The following RNF141 variants were observed in gnomAD, a reference collection of about 807,000 sequenced individuals.
RNF141 encodes the protein C3HC4-like zinc finger protein.
RNF141 carries 18 observed loss-of-function variants against 27.4 expected under a neutral mutation model. The observed-to-expected ratio is 0.66, with a 90% confidence interval of 0.45 to 0.97. The LOEUF (loss-of-function observed/expected upper bound fraction) is 0.97. RNF141 is among the 50% of genes least tolerant of loss of function. The pLI is 0.00. For missense variants in RNF141, 230 were observed against 279.4 expected, an observed-to-expected ratio of 0.82 and a Z score of 1.26; for synonymous variants, 97 against 96.6, an observed-to-expected ratio of 1.00 and a Z score of -0.02.
intron 5 of RNF141, 133 bp downstream of exon 5, chr11:10,518,901 C>A: frequency 1.7e-6 from 1 of 575,854 alleles, no homozygotes. Context: ...GAAGGCATGC[C>A]ATAAAATTCA....
chr11:10,515,118 G>T, intron 5 of RNF141, 52 bp from the exon 6 acceptor site: 1 of 1,551,274 alleles, frequency 6.4e-7, no homozygotes, highest in Non-Finnish European at 8.7e-7. Context: ...TTTAAAAACA[G>T]GATTTTATTT....
At chr11:10,527,514 G>A (rs1395593799) in intron 3 of RNF141, among the ~76,000 whole-genome samples, 1 of 149,152 alleles carries the variant, frequency 6.7e-6, no homozygotes, top group Non-Finnish European at 1.5e-5. Context: ...GAAGCCCAGA[G>A]TGTTTGGAAC....
At chr11:10,532,406 A>C (rs568619861) in intron 2 of RNF141, among the ~76,000 whole-genome samples, 1 of 152,052 alleles carries the variant, frequency 6.6e-6, no homozygotes, top group South Asian at 2.1e-4. Flanking sequence ...ATAAATACAC[A>C]CAGTAAAATG....
chr11:10,534,703 AT>A (rs1850018862), intron 1 of RNF141, among the ~76,000 whole-genome samples: 1 of 152,110 alleles, frequency 6.6e-6, no homozygotes, highest in Non-Finnish European at 1.5e-5. Context: ...GAGCTAGGTG[AT>A]TTATCTAAAG....
intron 5 of RNF141, chr11:10,517,836 C>CATGT (rs1414595076): frequency 1.3e-5 from 2 of 152,136 alleles, no homozygotes; most frequent in African/African-American, 4.8e-5. Flanking sequence ...AGAACTGATA[C>CATGT]ATGAGTTTAA....
At chr11:10,517,671 G>C (rs1849853400) in intron 5 of RNF141, 1 of 152,062 alleles carries the variant, frequency 6.6e-6, no homozygotes, top group Admixed American at 6.5e-5. Flanking sequence ...GTTCTCATTA[G>C]AAACAATGCA....
Position 10,525,660 on chromosome 11 carries a change from A to G in RNF141, c.253-287T>C, listed in dbSNP as rs541611359. Among the ~76,000 whole-genome samples, 3 of 152,356 alleles carry G rather than the reference A, an allele frequency of 2.0e-5. No homozygotes were observed. In the Middle Eastern group the frequency reaches 0.01, roughly 518 times the overall value. On this transcript the variant is annotated intron_variant, in intron 3 of 5. Transcript: ENST00000265981. The stretch of plus-strand genomic sequence containing the variant: ...TGGGTAAGGTGACTTTCTCAGAGTT[A>G]AGAAATAAATTTTAGAGATCAGTAT...
chr11:10,517,252 A>G (rs990832590), intron 5 of RNF141: 1 of 152,186 alleles, frequency 6.6e-6, no homozygotes, highest in Non-Finnish European at 1.5e-5. Context: ...ACTGGATAGA[A>G]TTAATGGCAA....
intron 3 of RNF141, 142 bp from the exon 4 acceptor site, chr11:10,525,515 T>C (rs1193695297): frequency 1.6e-6 from 1 of 607,098 alleles, no homozygotes; most frequent in Non-Finnish European, 2.8e-6. Context: ...AAAGCAAGAG[T>C]CTGAATAAAT....
Position 10,512,834 on chromosome 11 carries a change from C to A in RNF141, c.*2082G>T, listed in dbSNP as rs1335450103. ...CCAAATTCAAACATGCTGGATATCA[C>A]CAATGCATTAATGTTTTTATTCATT... On this transcript the variant is annotated 3_prime_UTR_variant, in exon 6 of 6. Coordinates refer to ENST00000265981, the MANE Select transcript of RNF141 (RefSeq NM_016422.4). The A allele has an allele frequency of 6.6e-6, 1 of 152,012 alleles. No individual in the cohort carries two copies. Among genetic ancestry groups the A allele is most frequent in the Admixed American group, 6.6e-5 (1 of 15,266 alleles). 9.4% of individuals were successfully genotyped at this position (152,012 alleles called of 1,614,324 possible).
In RNF141 at chr11:10,519,066, A is replaced by G. The variant is rs779998788; in HGVS notation, c.510T>C (p.Ala170=). 54 of 1,614,050 alleles carry G rather than the reference A, an allele frequency of 3.3e-5. No homozygotes were observed. Among genetic ancestry groups the G allele is most frequent in the Non-Finnish European group, 4.3e-5 (51 of 1,179,916 alleles). ...DGRADLILPC[A]HSFCQKCIDK... Reference sequence around the variant, plus strand: ...CAATACACTTCTGACAAAAGCTGTGAGCACAAGGCAGGATGAGGTCAGCCC... The same window carrying G: ...CAATACACTTCTGACAAAAGCTGTGGGCACAAGGCAGGATGAGGTCAGCCC... Residue 170 remains alanine (A), a synonymous_variant, in exon 5 of 6, where the codon GCT becomes GCC. Coordinates refer to ENST00000265981, the MANE Select transcript of RNF141 (RefSeq NM_016422.4).
intron 2 of RNF141, among the ~76,000 whole-genome samples, chr11:10,533,172 A>G (rs917174839): frequency 6.6e-5 from 10 of 152,236 alleles, no homozygotes; most frequent in African/African-American, 2.2e-4. Context: ...AAAGAAAGAT[A>G]TGACATCTGC....
At chr11:10,520,208 T>C (rs1001104453) in intron 4 of RNF141, among the ~76,000 whole-genome samples, 4 of 152,226 alleles carry the variant, frequency 2.6e-5, no homozygotes, top group African/African-American at 9.6e-5. Flanking sequence ...AATTAATCTT[T>C]ACTATAGATT....
chr11:10,536,846 G>A (rs996825736), intron 1 of RNF141, among the ~76,000 whole-genome samples: 1 of 152,218 alleles, frequency 6.6e-6, no homozygotes, highest in Non-Finnish European at 1.5e-5. Flanking sequence ...CTTGCTAGAA[G>A]CAGGTATCTT....
chr11:10,536,450 A>G (rs779269391), intron 1 of RNF141, among the ~76,000 whole-genome samples: 1 of 152,186 alleles, frequency 6.6e-6, no homozygotes, highest in Non-Finnish European at 1.5e-5. Context: ...GATGACCAAA[A>G]CTGGAATAAA....
At chr11:10,538,802 C>T (rs3781862) in intron 1 of RNF141, among the ~76,000 whole-genome samples, 51,721 of 152,020 alleles carry the variant, frequency 0.34, 9,078 homozygotes, top group Middle Eastern at 0.41. Flanking sequence ...CTGTGAAAAT[C>T]TGTCATTAAA....
chr11:10,521,316 C>T (rs1265508080), intron 4 of RNF141, among the ~76,000 whole-genome samples: 3 of 152,230 alleles, frequency 2.0e-5, no homozygotes, highest in African/African-American at 7.2e-5. Context: ...CTGGCCTTTC[C>T]ATAAACTGTA....
chr11:10,519,051 C>T lies in RNF141; in HGVS notation c.525G>A (p.Gln175=), dbSNP rs1849864992. Residue 175 remains glutamine (Q), a synonymous_variant, in exon 5 of 6, where the codon CAG becomes CAA. Transcript: ENST00000265981. The part of the protein sequence containing the change: ...LILPCAHSFC[Q]KCIDKWSDRH... ...TAACTTACCATTTATCAATACACTT[C>T]TGACAAAAGCTGTGAGCACAAGGCA... The T allele has an allele frequency of 6.2e-7, 1 of 1,613,836 alleles. No homozygotes were observed. The highest frequency in any genetic ancestry group is 2.2e-5 in the East Asian group (1 of 44,874).
chr11:10,529,311 T>C (rs1244492641), intron 3 of RNF141, among the ~76,000 whole-genome samples: 3 of 152,238 alleles, frequency 2.0e-5, no homozygotes, highest in Admixed American at 1.3e-4. Context: ...AGTTAGTCTA[T>C]AGAGTTAGGA....
Sources: allele counts gnomAD v4.1 joint callset (sites outside exome capture counted in the v4.1 genomes callset), GRCh38; gene constraint gnomAD v4.1.1; transcripts MANE v1.5; gene names NCBI Gene and HGNC (gene_info 2026-07-23, HGNC 2026-07-21).